RPS6KA6: variants seen among roughly 807,000 people sequenced by gnomAD.
The protein encoded by RPS6KA6 is ribosomal protein S6 kinase A6, also known as ribosomal protein S6 kinase alpha-6.
RPS6KA6 carries 27 observed loss-of-function variants against 65.4 expected under a neutral mutation model. The observed-to-expected ratio is 0.41, with a 90% CI of 0.30 to 0.57. The LOEUF (loss-of-function observed/expected upper bound fraction) is 0.57. Among genes scored for constraint, RPS6KA6 ranks in the 20% least tolerant of loss-of-function variants. The pLI is 0.24. For missense variants in RPS6KA6, 486 were observed against 555.6 expected, an observed-to-expected ratio of 0.87 and a Z score of 1.26; for synonymous variants, 190 against 184.2, an observed-to-expected ratio of 1.03 and a Z score of -0.26.
intron 20 of RPS6KA6, among the ~76,000 whole-genome samples, chrX:84,090,931 C>A (rs1473218114): frequency 8.9e-6 from 1 of 112,145 alleles, no homozygotes; most frequent in Admixed American, 9.4e-5. Flanking sequence ...TCTCATTCCT[C>A]CATTTAATCT....
chrX:84,108,198 G>A (rs9886998), intron 12 of RPS6KA6, among the ~76,000 whole-genome samples: 13,686 of 111,382 alleles, frequency 0.12, 797 homozygotes, highest in East Asian at 0.52. Context: ...GCTTTTGAAA[G>A]GCATAGAAAA....
At chrX:84,141,409 T>TA (rs542670755) in intron 6 of RPS6KA6, among the ~76,000 whole-genome samples, 7,408 of 87,703 alleles carry the variant, frequency 0.084, 387 homozygotes, top group Admixed American at 0.26. Flanking sequence ...AATGAAATTG[T>TA]AAAAAAAAAA....
At chrX:84,130,453 CTTAG>C (rs769104765) in intron 8 of RPS6KA6, among the ~76,000 whole-genome samples, 4 of 111,800 alleles carry the variant, frequency 3.6e-5, no homozygotes, top group African/African-American at 1.3e-4. Context: ...AGTTTTCTCA[CTTAG>C]TTAAATATAC....
intron 20 of RPS6KA6, among the ~76,000 whole-genome samples, chrX:84,095,902 T>C (rs1315988674): frequency 8.9e-6 from 1 of 111,966 alleles, no homozygotes; most frequent in Non-Finnish European, 1.9e-5. Flanking sequence ...TAAACTTTAG[T>C]TGGCTTTAAA....
At position 84,064,069 on chromosome X, in the gene RPS6KA6, A is replaced by G; in HGVS notation, c.*208T>C. ...GTGGACACCAATTATATGCTTAAAT[A>G]AACACTTGAACACTACTGCAAACAC... On this transcript the variant is annotated 3_prime_UTR_variant, in exon 22 of 22. Coordinates refer to ENST00000262752, the MANE Select transcript of RPS6KA6 (RefSeq NM_014496.5). 2.9e-6 allele frequency: 1 copy of G among 347,948 alleles called. No individual in the cohort carries two copies. Among genetic ancestry groups the G allele is most frequent in the East Asian group, 4.8e-5 (1 of 20,826 alleles). The allele number at this position is 347,948 out of a possible 1,213,427, so 28.7% of individuals were successfully genotyped here.
intron 1 of RPS6KA6, among the ~76,000 whole-genome samples, chrX:84,179,055 T>C (rs998641908): frequency 9.0e-6 from 1 of 111,286 alleles, no homozygotes; most frequent in Admixed American, 9.6e-5. Context: ...TAAAGAACTC[T>C]CAAAATTCAA....
chrX:84,126,886 C>CA (rs200829001), intron 8 of RPS6KA6, among the ~76,000 whole-genome samples: 6,722 of 108,318 alleles, frequency 0.062, 231 homozygotes, highest in East Asian at 0.21. Context: ...GTGCTTACAT[C>CA]AAAAAAAAAT....
chrX:84,158,607 T>C (rs1209271480), intron 2 of RPS6KA6, among the ~76,000 whole-genome samples: 1 of 111,274 alleles, frequency 9.0e-6, no homozygotes, highest in Non-Finnish European at 1.9e-5. Context: ...ATATTATCCA[T>C]TGTCAGTATT....
intron 20 of RPS6KA6, among the ~76,000 whole-genome samples, chrX:84,077,348 C>A (rs1015597953): frequency 6.3e-5 from 7 of 110,922 alleles, no homozygotes; most frequent in African/African-American, 2.3e-4. Flanking sequence ...ACTCATGGTA[C>A]CTGATTTCAA....
At chrX:84,155,947 G>T in intron 3 of RPS6KA6, 128 bp downstream of exon 3, 1 of 426,454 alleles carries the variant, frequency 2.3e-6, no homozygotes, top group South Asian at 4.4e-5. Context: ...TAAAATTAAA[G>T]AATTACCTTT....
chrX:84,115,682 T>C (rs765925040), intron 12 of RPS6KA6, among the ~76,000 whole-genome samples: 2 of 111,798 alleles, frequency 1.8e-5, no homozygotes, highest in Non-Finnish European at 3.8e-5. Context: ...CTGTTCACAA[T>C]AGCAAAGTCA....
At chrX:84,150,476 T>C (rs1367558699) in intron 3 of RPS6KA6, among the ~76,000 whole-genome samples, 1 of 110,810 alleles carries the variant, frequency 9.0e-6, no homozygotes, top group East Asian at 2.8e-4. Context: ...AACACTTCCT[T>C]TCCCTTGAAC....
intron 6 of RPS6KA6, among the ~76,000 whole-genome samples, chrX:84,137,146 T>C (rs2035004496): frequency 8.9e-6 from 1 of 112,009 alleles, no homozygotes; most frequent in Admixed American, 9.5e-5. Flanking sequence ...GCTTTTCAAA[T>C]TTTTTGTGCA....
At chrX:84,128,483 T>C (rs1003453613) in intron 8 of RPS6KA6, among the ~76,000 whole-genome samples, 2 of 111,304 alleles carry the variant, frequency 1.8e-5, no homozygotes, top group Admixed American at 9.5e-5. Flanking sequence ...AATGAGATTC[T>C]ACACAGAAAT....
chrX:84,182,061 T>TCACA lies in RPS6KA6; in HGVS notation c.81+5757_81+5758insTGTG, dbSNP rs1459544427. Among the ~76,000 whole-genome samples the TCACA allele has an allele frequency of 1.1e-3, 84 of 77,474 alleles. 1 individual carries two copies. The South Asian group carries it at 0.012, about 11-fold the overall frequency. The allele number at this position is 77,474 out of a possible 115,157, so 67.3% of individuals were successfully genotyped here. A position where few individuals can be genotyped will look rare whatever the true frequency, so the allele number is the denominator to read the frequency against. The stretch of plus-strand genomic sequence containing the variant: ...GTCTCTCTCTCTCTCTCTCTCTCTC[T>TCACA]CTCACACACACACACACACACACAC... On this transcript the variant is annotated intron_variant, in intron 1 of 21. Transcript: ENST00000262752.
chrX:84,064,087 G>T lies in RPS6KA6; in HGVS notation c.*190C>A. On this transcript the variant is annotated 3_prime_UTR_variant, in exon 22 of 22. Coordinates refer to ENST00000262752, the MANE Select transcript of RPS6KA6 (RefSeq NM_014496.5). The stretch of plus-strand genomic sequence containing the variant: ...CTTAAATAAACACTTGAACACTACT[G>T]CAAACACATAGTATGAATATTGTGG... The T allele has an allele frequency of 2.2e-6, 1 of 445,434 alleles. No individual in the cohort carries two copies. The highest frequency in any genetic ancestry group is 3.6e-6 in the Non-Finnish European group (1 of 276,219). 36.7% of individuals were successfully genotyped at this position (445,434 alleles called of 1,213,427 possible). A position where few individuals can be genotyped will look rare whatever the true frequency, so the allele number is the denominator to read the frequency against.
Position 84,094,419 on chromosome X carries a change from G to A in RPS6KA6, c.1971+1775C>T, listed in dbSNP as rs187253123. ...GCACTTTGGGAGGCCGAGGCAGGCG[G>A]ATCACGAGGTCAGGAGATCGAGACC... is the stretch of plus-strand genomic sequence containing the variant. On this transcript the variant is annotated intron_variant, in intron 20 of 21. Coordinates refer to ENST00000262752, the MANE Select transcript of RPS6KA6 (RefSeq NM_014496.5). 1.6e-3 allele frequency among the ~76,000 whole-genome samples: 175 copies of A among 108,860 alleles called. 2 individuals carry two copies. Among genetic ancestry groups the A allele is most frequent in the African/African-American group, 5.6e-3 (167 of 29,963 alleles). The allele number at this position is 108,860 out of a possible 115,157, so 94.5% of individuals were successfully genotyped here. A position where few individuals can be genotyped will look rare whatever the true frequency, so the allele number is the denominator to read the frequency against.
chrX:84,069,075 T>A (rs989118092), intron 20 of RPS6KA6, among the ~76,000 whole-genome samples: 1 of 112,235 alleles, frequency 8.9e-6, no homozygotes, highest in African/African-American at 3.2e-5. Context: ...TTAAGTTTCA[T>A]ATGGAACCAA....
At chrX:84,167,395 G>A (rs1210448002) in intron 1 of RPS6KA6, among the ~76,000 whole-genome samples, 10 of 111,825 alleles carry the variant, frequency 8.9e-5, no homozygotes, top group South Asian at 7.4e-4. Flanking sequence ...TAACAACATC[G>A]ATGAATCTTA....
Sources: allele counts gnomAD v4.1 joint callset (sites outside exome capture counted in the v4.1 genomes callset), GRCh38; gene constraint gnomAD v4.1.1; transcripts MANE v1.5; gene names NCBI Gene and HGNC (gene_info 2026-07-23, HGNC 2026-07-21).